Variants in DDAH1 observed in about 807,000 individuals in gnomAD.
DDAH1 encodes dimethylarginine dimethylaminohydrolase 1, also known as N(G),N(G)-dimethylarginine dimethylaminohydrolase 1.
Under a neutral mutation model 28.8 loss-of-function variants are expected in DDAH1, and 19 were observed. The observed-to-expected ratio is 0.66, with a 90% confidence interval of 0.46 to 0.97. DDAH1 has a LOEUF of 0.97. Ranked by LOEUF, DDAH1 falls within the 50% of genes least tolerant of loss-of-function variation. DDAH1 has a pLI of 0.00. For synonymous variants in DDAH1, 153 were observed against 154.4 expected (o/e 0.99, Z 0.07); for missense variants, 326 against 375.9 (o/e 0.87, Z 1.10).
At chr1:85,466,517 G>A (rs566958185), upstream of DDAH1, among the ~76,000 whole-genome samples, 1 of 152,338 alleles carries the variant, frequency 6.6e-6, no homozygotes, top group East Asian at 1.9e-4. Context: ...CCAAAGTGCT[G>A]GGATTACAGG....
intron 1 of DDAH1, among the ~76,000 whole-genome samples, chr1:85,518,725 T>C (rs944417901): frequency 6.6e-6 from 1 of 152,194 alleles, no homozygotes; most frequent in Non-Finnish European, 1.5e-5. Flanking sequence ...ATCTGCAAAG[T>C]CCCTTTTGCC....
intron 1 of DDAH1, among the ~76,000 whole-genome samples, chr1:85,500,171 TCC>T (rs1656769823): frequency 2.7e-5 from 4 of 149,144 alleles, no homozygotes; most frequent in Admixed American, 6.7e-5. Flanking sequence ...TTCTCTTTTT[TCC>T]TTCCTTCCTT....
At chr1:85,559,602 A>C (rs1659082020) in intron 1 of DDAH1, among the ~76,000 whole-genome samples, 1 of 152,180 alleles carries the variant, frequency 6.6e-6, no homozygotes, top group Admixed American at 6.5e-5. Context: ...CTAGTATTTA[A>C]AGTAAAACAT....
intron 1 of DDAH1, among the ~76,000 whole-genome samples, chr1:85,392,681 T>A (rs1411352916): frequency 6.6e-6 from 1 of 150,434 alleles, no homozygotes; most frequent in Non-Finnish European, 1.5e-5. Flanking sequence ...TAATCCCAGC[T>A]ACTCGGGAGG....
intron 2 of DDAH1, chr1:85,494,949 T>C (rs1330296302): frequency 1.3e-5 from 2 of 152,238 alleles, no homozygotes; most frequent in Non-Finnish European, 2.9e-5. Context: ...AAATCACAGT[T>C]ACTCAACTCA....
chr1:85,404,365 C>T (rs1652301453), intron 1 of DDAH1: 1 of 1,534,808 alleles, frequency 6.5e-7, no homozygotes, highest in African/African-American at 1.4e-5. Flanking sequence ...TACTGCTAAG[C>T]TTCATTTGTC....
chr1:85,329,523 C>T (rs1469667819), intron 4 of DDAH1, among the ~76,000 whole-genome samples: 6 of 152,194 alleles, frequency 3.9e-5, no homozygotes, highest in South Asian at 2.1e-4. Flanking sequence ...AAGGCCAGTA[C>T]CTACTTTAGA....
At chr1:85,448,860 A>G (rs1654548684) in intron 1 of DDAH1, among the ~76,000 whole-genome samples, 2 of 152,204 alleles carry the variant, frequency 1.3e-5, no homozygotes. Context: ...ATTTTACAAA[A>G]TTGGACTAGA....
rs141947699 is a variant in DDAH1, at chr1:85,419,540, TAAAAAA to T, written c.303+45197_303+45202del. On this transcript the variant is annotated intron_variant, in intron 1 of 5. Transcript: ENST00000284031. The stretch of plus-strand genomic sequence containing the variant: ...GGACGACAAGAGTGAAACTCCATCT[TAAAAAA>T]AAAAAAAAAAAAAAGTCTGGGTAAC... 3.7e-5 allele frequency among the ~76,000 whole-genome samples: 3 copies of T among 81,512 alleles called. No homozygotes were observed. The East Asian group carries it at 1.2e-3, about 32-fold the overall frequency. 53.5% of individuals were successfully genotyped at this position (81,512 alleles called of 152,430 possible). A position where few individuals can be genotyped will look rare whatever the true frequency, so the allele number is the denominator to read the frequency against.
chr1:85,408,292 CCTTTTT>C, intron 1 of DDAH1, among the ~76,000 whole-genome samples: 1 of 87,372 alleles, frequency 1.1e-5, no homozygotes, highest in Non-Finnish European at 2.4e-5. Flanking sequence ...TCTCCTTCTT[CCTTTTT>C]TTTTTTTTAT....
chr1:85,566,316 A>G (rs2100557679), intron 1 of DDAH1, among the ~76,000 whole-genome samples: 1 of 151,870 alleles, frequency 6.6e-6, no homozygotes, highest in East Asian at 1.9e-4. Context: ...CCTGGGCAAT[A>G]TAGTGAGAGC....
chr1:85,500,074 TTC>T (rs1656741809), intron 1 of DDAH1, among the ~76,000 whole-genome samples: 2 of 151,168 alleles, frequency 1.3e-5, no homozygotes, highest in Non-Finnish European at 1.5e-5. Context: ...TTTCTTTTCT[TTC>T]CTTTCCTTCC....
Position 85,341,554 on chromosome 1 carries a change from G to A in DDAH1, c.597+8861C>T, listed in dbSNP as rs144978597. Among the ~76,000 whole-genome samples, 141 of 152,312 alleles carry A rather than the reference G, an allele frequency of 9.3e-4. 1 individual carries two copies. The highest frequency in any genetic ancestry group is 3.4e-3 in the Middle Eastern group (1 of 294). On this transcript the variant is annotated intron_variant, in intron 4 of 5. Transcript: ENST00000284031. Reference sequence around the variant, plus strand: ...GTTCCGGCTGGGCGAGGTGGCTCACGCCTGTAATCCCAGCACTTTGGGAGG... The same window carrying A: ...GTTCCGGCTGGGCGAGGTGGCTCACACCTGTAATCCCAGCACTTTGGGAGG...
At chr1:85,539,761 T>G (rs1386412474) in intron 1 of DDAH1, among the ~76,000 whole-genome samples, 48 of 152,296 alleles carry the variant, frequency 3.2e-4, no homozygotes, top group African/African-American at 1.1e-3. Context: ...CCTCGATCAA[T>G]TCTTTACATT....
At chr1:85,511,784 C>G (rs568451942) in intron 1 of DDAH1, among the ~76,000 whole-genome samples, 1 of 152,122 alleles carries the variant, frequency 6.6e-6, no homozygotes, top group Non-Finnish European at 1.5e-5. Context: ...ATACACTCTC[C>G]CAAGACTAAA....
intron 2 of DDAH1, among the ~76,000 whole-genome samples, chr1:85,480,820 T>C (rs1225913357): frequency 2.6e-5 from 4 of 151,864 alleles, no homozygotes; most frequent in African/African-American, 7.2e-5. Flanking sequence ...AGCCCTATAA[T>C]AAAAGAGTAG....
At chr1:85,531,514 T>C (rs1253384053) in intron 1 of DDAH1, among the ~76,000 whole-genome samples, 2 of 152,180 alleles carry the variant, frequency 1.3e-5, no homozygotes, top group African/African-American at 2.4e-5. Flanking sequence ...TTATTATACA[T>C]TTACCATGTG....
At chr1:85,478,680 T>C (rs1655888134) in intron 2 of DDAH1, among the ~76,000 whole-genome samples, 1 of 152,202 alleles carries the variant, frequency 6.6e-6, no homozygotes, top group Admixed American at 6.5e-5. Context: ...CCAAACCATA[T>C]CATTATCCTT....
intron 1 of DDAH1, among the ~76,000 whole-genome samples, chr1:85,372,489 G>A (rs1004307253): frequency 2.0e-5 from 3 of 151,990 alleles, no homozygotes; most frequent in Admixed American, 1.3e-4. Flanking sequence ...TTCTACCAAG[G>A]AAAACTAATT....
Sources: gnomAD v4.1 joint callset for allele counts (sites outside exome capture counted in the v4.1 genomes callset) on GRCh38, gnomAD v4.1.1 for gene constraint, MANE v1.5 for transcripts, NCBI Gene and HGNC (gene_info 2026-07-23, HGNC 2026-07-21) for gene names.